SPAG16: variants seen among roughly 807,000 people sequenced by gnomAD.
SPAG16 encodes sperm-associated antigen 16 protein.
SPAG16 carries 86 observed loss-of-function variants against 80.4 expected under a neutral mutation model. The ratio of observed to expected loss-of-function variants is 1.07; its 90% CI spans 0.90 to 1.28. SPAG16 has a LOEUF of 1.28. Among genes scored for constraint, SPAG16 ranks in the 50% most tolerant of loss-of-function variants. The pLI is 0.00. For synonymous variants in SPAG16, 294 were observed against 265.9 expected, an observed-to-expected ratio of 1.11 and a Z score of -1.03; for missense variants, 870 against 765.3, an observed-to-expected ratio of 1.14 and a Z score of -1.61.
intron 10 of SPAG16, among the ~76,000 whole-genome samples, chr2:213,689,340 T>G (rs1178213111): frequency 6.6e-6 from 1 of 152,210 alleles, no homozygotes; most frequent in African/African-American, 2.4e-5. Flanking sequence ...TGGTTCAGAT[T>G]TTCCAATTTC....
chr2:214,148,618 T>C (rs1308738093), intron 14 of SPAG16, among the ~76,000 whole-genome samples: 1 of 151,512 alleles, frequency 6.6e-6, no homozygotes, highest in Non-Finnish European at 1.5e-5. Flanking sequence ...CTGTGTCCAT[T>C]TTACTTCCTA....
intron 15 of SPAG16, among the ~76,000 whole-genome samples, chr2:214,244,766 T>A (rs1689726971): frequency 6.6e-6 from 1 of 152,158 alleles, no homozygotes; most frequent in Non-Finnish European, 1.5e-5. Flanking sequence ...ATCATAATCA[T>A]CTTTGTTACT....
intron 8 of SPAG16, chr2:213,364,965 TAGAG>T (rs1329038948): frequency 1.3e-5 from 2 of 152,192 alleles, no homozygotes; most frequent in African/African-American, 4.8e-5. Flanking sequence ...ACAGCATTCT[TAGAG>T]AGGACACAGA....
At chr2:213,962,641 C>A (rs4672698) in intron 12 of SPAG16, among the ~76,000 whole-genome samples, 113,787 of 152,132 alleles carry the variant, frequency 0.75, 42,926 homozygotes, top group South Asian at 0.86. Flanking sequence ...GTCTTCCAGC[C>A]TCCAGAAATG....
chr2:213,547,877 C>T (rs926726828), intron 10 of SPAG16, among the ~76,000 whole-genome samples: 5 of 152,140 alleles, frequency 3.3e-5, no homozygotes, highest in Admixed American at 2.0e-4. Context: ...TTATCACTTA[C>T]GTCTAAAGTT....
chr2:214,159,975 T>C (rs1430831165), intron 15 of SPAG16, among the ~76,000 whole-genome samples: 1 of 151,984 alleles, frequency 6.6e-6, no homozygotes, highest in East Asian at 1.9e-4. Flanking sequence ...GTAAGCCTAC[T>C]ATATGCCAGG....
chr2:213,979,273 G>C (rs1005004403), intron 12 of SPAG16, among the ~76,000 whole-genome samples: 1 of 151,890 alleles, frequency 6.6e-6, no homozygotes, highest in Non-Finnish European at 1.5e-5. Flanking sequence ...ATGTTGGGGG[G>C]TATGGAATTA....
At chr2:213,935,982 A>T (rs1280827029) in intron 12 of SPAG16, among the ~76,000 whole-genome samples, 1 of 152,128 alleles carries the variant, frequency 6.6e-6, no homozygotes, top group African/African-American at 2.4e-5. Flanking sequence ...TTTAGAGATG[A>T]CAAATTTTGT....
intron 14 of SPAG16, among the ~76,000 whole-genome samples, chr2:214,144,857 A>G (rs534639558): frequency 3.8e-4 from 58 of 152,248 alleles, no homozygotes; most frequent in African/African-American, 1.3e-3. Context: ...TTGAAGGTTC[A>G]AACTACAATC....
At position 214,040,929 on chromosome 2, in the gene SPAG16, C is replaced by G. The variant is rs1174058976; in HGVS notation, c.1527+26852C>G. ...TTGAATTGTCCTTTAAAAATTAATTCTTTTCCATTATTTTACTTATATTCC... is the reference window on the plus strand; with the variant it reads ...TTGAATTGTCCTTTAAAAATTAATTGTTTTCCATTATTTTACTTATATTCC... On this transcript the variant is annotated intron_variant, in intron 13 of 15. Coordinates refer to ENST00000331683, the MANE Select transcript of SPAG16 (RefSeq NM_024532.5). Among the ~76,000 whole-genome samples, 6 of 152,098 alleles carry G rather than the reference C, an allele frequency of 3.9e-5. No homozygotes were observed. The South Asian group carries it at 1.2e-3, about 32-fold the overall frequency.
chr2:214,288,543 C>T (rs13394429), intron 15 of SPAG16, among the ~76,000 whole-genome samples: 29,667 of 151,810 alleles, frequency 0.2, 3,472 homozygotes, highest in African/African-American at 0.32. Flanking sequence ...TCATTCCCAC[C>T]GACAGTGTAT....
chr2:214,192,013 G>C (rs1015720070), intron 15 of SPAG16, among the ~76,000 whole-genome samples: 1 of 151,878 alleles, frequency 6.6e-6, no homozygotes. Context: ...TAGGACAAAA[G>C]AATGGATTAG....
chr2:213,929,130 C>G (rs2078637174), intron 11 of SPAG16, among the ~76,000 whole-genome samples: 1 of 150,620 alleles, frequency 6.6e-6, no homozygotes, highest in African/African-American at 2.4e-5. Context: ...TCTCCTGCCT[C>G]AGCCTCTCGA....
chr2:214,311,684 T>A (rs1372979205), intron 15 of SPAG16: 2 of 152,242 alleles, frequency 1.3e-5, no homozygotes, highest in African/African-American at 2.4e-5. Context: ...TTTCCTCAGT[T>A]CCACTTGGGT....
intron 15 of SPAG16, among the ~76,000 whole-genome samples, chr2:214,186,010 T>C (rs1224689815): frequency 1.3e-5 from 2 of 150,464 alleles, no homozygotes; most frequent in East Asian, 2.0e-4. Context: ...CAGCACTCTG[T>C]TCATAAATAC....
intron 10 of SPAG16, among the ~76,000 whole-genome samples, chr2:213,588,912 A>G (rs1217285648): frequency 6.7e-6 from 1 of 149,032 alleles, no homozygotes; most frequent in Non-Finnish European, 1.5e-5. Context: ...CAGTTCTTAT[A>G]TCAAGATTCT....
intron 9 of SPAG16, among the ~76,000 whole-genome samples, chr2:213,402,683 T>A (rs1213932179): frequency 6.6e-6 from 1 of 152,134 alleles, no homozygotes; most frequent in East Asian, 1.9e-4. Flanking sequence ...GGTGTTTGGT[T>A]TTCTGTCCTT....
intron 10 of SPAG16, among the ~76,000 whole-genome samples, chr2:213,674,260 G>A (rs1011251816): frequency 6.6e-6 from 1 of 151,698 alleles, no homozygotes; most frequent in Non-Finnish European, 1.5e-5. Flanking sequence ...AGTTCTCTAC[G>A]ACAACATACT....
intron 10 of SPAG16, among the ~76,000 whole-genome samples, chr2:213,708,412 A>G (rs1193388813): frequency 6.6e-6 from 1 of 152,200 alleles, no homozygotes; most frequent in East Asian, 1.9e-4. Context: ...TTTTAAAAGT[A>G]TTGGGGTGGC....
Sources: allele counts gnomAD v4.1 joint callset (sites outside exome capture counted in the v4.1 genomes callset), GRCh38; gene constraint gnomAD v4.1.1; transcripts MANE v1.5; gene names NCBI Gene and HGNC (gene_info 2026-07-23, HGNC 2026-07-21).